Variants in G3BP1 observed in about 807,000 individuals in gnomAD.
The protein encoded by G3BP1 is G3BP stress granule assembly factor 1.
G3BP1 carries 35 observed loss-of-function variants against 58.6 expected under a neutral mutation model. The observed-to-expected ratio is 0.60, with a 90% CI of 0.46 to 0.79. G3BP1 has a LOEUF of 0.79. Among genes scored for constraint, G3BP1 ranks in the 30% least tolerant of loss-of-function variants. The probability of loss-of-function intolerance (pLI) is 0.00; values close to 1 mark genes in which losing one functional copy is unlikely to be tolerated. For synonymous variants in G3BP1, 191 were observed against 195.4 expected, an observed-to-expected ratio of 0.98 and a Z score of 0.19; for missense variants, 523 against 580.8, an observed-to-expected ratio of 0.90 and a Z score of 1.02.
intron 7 of G3BP1, 39 bp downstream of exon 7, chr5:151,797,467 AT>A (rs780577312): frequency 2.4e-5 from 38 of 1,552,014 alleles, no homozygotes; most frequent in South Asian, 4.8e-5. Flanking sequence ...ATTCCTAGTT[AT>A]TTTTTTTAAA....
At chr5:151,791,188 T>C in intron 4 of G3BP1, 126 bp downstream of exon 4, 1 of 780,100 alleles carries the variant, frequency 1.3e-6, no homozygotes, top group Admixed American at 1.8e-5. Flanking sequence ...AATAGTACAC[T>C]AACTCCTATA....
intron 2 of G3BP1, among the ~76,000 whole-genome samples, chr5:151,789,915 C>T (rs950305662): frequency 6.6e-6 from 1 of 152,060 alleles, no homozygotes; most frequent in Non-Finnish European, 1.5e-5. Context: ...TGACTCACAC[C>T]TACAATTCCA....
intron 4 of G3BP1, chr5:151,791,700 AGGCT>A (rs1439128645): frequency 6.0e-6 from 1 of 167,894 alleles, no homozygotes; most frequent in African/African-American, 2.4e-5. Context: ...TGTATCGTCC[AGGCT>A]GGAGTGCAGT....
chr5:151,773,789 TAGAC>T (rs1435186928), intron 1 of G3BP1, among the ~76,000 whole-genome samples: 1 of 152,162 alleles, frequency 6.6e-6, no homozygotes, highest in Non-Finnish European at 1.5e-5. Flanking sequence ...CATTTTAACT[TAGAC>T]TTAAAGTTGA....
intron 1 of G3BP1, among the ~76,000 whole-genome samples, chr5:151,785,562 C>T (rs971176901): frequency 1.3e-5 from 2 of 152,134 alleles, no homozygotes; most frequent in Non-Finnish European, 2.9e-5. Context: ...GAATGAAATG[C>T]TGGGATGATC....
intron 2 of G3BP1, among the ~76,000 whole-genome samples, chr5:151,789,001 C>T (rs1401579979): frequency 6.6e-6 from 1 of 152,090 alleles, no homozygotes; most frequent in African/African-American, 2.4e-5. Context: ...TCTCGAACTT[C>T]CGACTTCAGG....
rs1487716021 is a variant in G3BP1, at chr5:151,804,888, T to C, written c.*797T>C. On this transcript the variant is annotated 3_prime_UTR_variant, in exon 12 of 12. Transcript: ENST00000356245. ...GATAACAACCAGAGCAAAACTGTTG[T>C]GCCTTCTATTTATCTTTGATTTCAG... 6.6e-6 allele frequency: 1 copy of C among 152,634 alleles called. No individual in the cohort carries two copies. Among genetic ancestry groups the C allele is most frequent in the Non-Finnish European group, 1.5e-5 (1 of 68,024 alleles). 9.5% of individuals were successfully genotyped at this position (152,634 alleles called of 1,614,324 possible). A position where few individuals can be genotyped will look rare whatever the true frequency, so the allele number is the denominator to read the frequency against.
At position 151,806,790 on chromosome 5, in the gene G3BP1, A is replaced by AT. The variant is rs202173323; in HGVS notation, c.*2709dup. 1.8e-3 allele frequency: 270 copies of AT among 150,670 alleles called. 4 individuals are homozygous for AT. The highest frequency in any genetic ancestry group is 0.016 in the East Asian group (80 of 5,148). 9.3% of individuals were successfully genotyped at this position (150,670 alleles called of 1,614,324 possible). A position where few individuals can be genotyped will look rare whatever the true frequency, so the allele number is the denominator to read the frequency against. ...GAGCTTAGAACTCTTGACCCATGAG[A>AT]TTTTTTTTTTAAATTTTTATTTTTA... On this transcript the variant is annotated 3_prime_UTR_variant, in exon 12 of 12. Coordinates refer to ENST00000356245, the MANE Select transcript of G3BP1 (RefSeq NM_005754.3).
At chr5:151,785,759 T>A (rs1455733267) in intron 1 of G3BP1, among the ~76,000 whole-genome samples, 5 of 152,228 alleles carry the variant, frequency 3.3e-5, no homozygotes, top group Admixed American at 2.6e-4. Flanking sequence ...TATTTTGAAA[T>A]TTTTTAATTA....
chr5:151,805,257 T>C lies in G3BP1; in HGVS notation c.*1166T>C, dbSNP rs1421968404. On this transcript the variant is annotated 3_prime_UTR_variant, in exon 12 of 12. Coordinates refer to ENST00000356245, the MANE Select transcript of G3BP1 (RefSeq NM_005754.3). ...TAAAATCATAGCCATATGGTAAATT[T>C]TCTATTTTGTTATGGTTCTCTTTTA... The C allele has an allele frequency of 6.6e-6, 1 of 152,606 alleles. No individual in the cohort carries two copies. Among genetic ancestry groups the C allele is most frequent in the African/African-American group, 2.4e-5 (1 of 41,438 alleles). The allele number at this position is 152,606 out of a possible 1,614,324, so 9.5% of individuals were successfully genotyped here.
chr5:151,785,938 T>C (rs1053491027), intron 1 of G3BP1, among the ~76,000 whole-genome samples: 3 of 152,246 alleles, frequency 2.0e-5, no homozygotes, highest in Admixed American at 1.3e-4. Context: ...GAATCTAATA[T>C]TGCCTCAAAT....
chr5:151,772,167 C>G (rs1762275658), intron 1 of G3BP1, 131 bp downstream of exon 1: 1 of 150,882 alleles, frequency 6.6e-6, no homozygotes, highest in Admixed American at 6.6e-5. Flanking sequence ...ACCCCCACCC[C>G]AACGGCCGCA....
intron 1 of G3BP1, among the ~76,000 whole-genome samples, chr5:151,782,154 C>A (rs898291224): frequency 6.6e-6 from 1 of 152,014 alleles, no homozygotes; most frequent in South Asian, 2.1e-4. Context: ...ACATTTATTT[C>A]CTGCTTACTG....
In G3BP1 at chr5:151,809,412, A is replaced by G. The variant is rs1762982356; in HGVS notation, c.*5321A>G. ...GGTAGCTTGTAGGACATGTGGTTTT[A>G]AAAAATTCATGGATTTTGAAGAAGG... On this transcript the variant is annotated 3_prime_UTR_variant, in exon 12 of 12. Transcript: ENST00000356245. The G allele has an allele frequency of 6.6e-6, 1 of 152,232 alleles. No homozygotes were observed. The highest frequency in any genetic ancestry group is 2.4e-5 in the African/African-American group (1 of 41,462). The allele number at this position is 152,232 out of a possible 1,614,324, so 9.4% of individuals were successfully genotyped here.
intron 1 of G3BP1, among the ~76,000 whole-genome samples, chr5:151,775,477 G>A (rs1762353055): frequency 6.6e-6 from 1 of 152,258 alleles, no homozygotes; most frequent in Admixed American, 6.5e-5. Flanking sequence ...ACCTAATAGG[G>A]TACTATAGCC....
chr5:151,806,165 A>T lies in G3BP1; in HGVS notation c.*2074A>T, dbSNP rs1368621039. The T allele has an allele frequency of 6.6e-6, 1 of 152,170 alleles. No individual in the cohort carries two copies. Among genetic ancestry groups the T allele is most frequent in the African/African-American group, 2.4e-5 (1 of 41,442 alleles). 9.4% of individuals were successfully genotyped at this position (152,170 alleles called of 1,614,324 possible). On this transcript the variant is annotated 3_prime_UTR_variant, in exon 12 of 12. Transcript: ENST00000356245. ...CCCATTGAGAACACTGATAGTCCCT[A>T]TTCCTGTGGGTGGGTGGAGCTGTGG... is the stretch of plus-strand genomic sequence containing the variant.
In G3BP1 at chr5:151,810,334, T is replaced by C. The variant is rs750504679; in HGVS notation, c.*6243T>C. On this transcript the variant is annotated 3_prime_UTR_variant, in exon 12 of 12. Transcript: ENST00000356245. ...CTCTGATCTCTTGCCATGTAAGTAA[T>C]TTTTTAAAAGATCAGTACAAGAGCT... The C allele has an allele frequency of 2.0e-5, 3 of 152,196 alleles. No homozygotes were observed. The highest frequency in any genetic ancestry group is 2.9e-5 in the Non-Finnish European group (2 of 68,034). The allele number at this position is 152,196 out of a possible 1,614,324, so 9.4% of individuals were successfully genotyped here. A position where few individuals can be genotyped will look rare whatever the true frequency, so the allele number is the denominator to read the frequency against.
Position 151,790,402 on chromosome 5 carries a change from AAAGT to A in G3BP1, c.177+2_177+5del, listed in dbSNP as rs771602564. 2 of 1,560,218 alleles carry A rather than the reference AAAGT, an allele frequency of 1.3e-6. No individual in the cohort carries two copies. Among genetic ancestry groups the A allele is most frequent in the Admixed American group, 1.8e-5 (1 of 54,452 alleles). ...GCCAGCAGATGCAGTCTACGGACAGAAAGTAAGCATTTCAAGCCTTATTTAGGCT... is the reference window on the plus strand; with the variant it reads ...GCCAGCAGATGCAGTCTACGGACAGAAAGCATTTCAAGCCTTATTTAGGCT... On this transcript the variant is annotated splice_donor_variant and coding_sequence_variant, in exon 3 of 12. Transcript: ENST00000356245. LOFTEE classifies it high-confidence loss of function.
intron 11 of G3BP1, 144 bp from the exon 12 acceptor site, chr5:151,803,741 G>A (rs963657751): frequency 1.1e-5 from 6 of 568,846 alleles, no homozygotes; most frequent in East Asian, 3.0e-5. Flanking sequence ...TAATCCACCC[G>A]TCTCGGCCTC....
Sources: allele counts gnomAD v4.1 joint callset (sites outside exome capture counted in the v4.1 genomes callset), GRCh38; gene constraint gnomAD v4.1.1; transcripts MANE v1.5; gene names NCBI Gene and HGNC (gene_info 2026-07-23, HGNC 2026-07-21).